Variants in CCDC149 observed in about 807,000 individuals in gnomAD.
The protein encoded by CCDC149 is coiled-coil domain containing 149, also known as coiled-coil domain-containing protein 149.
Under a neutral mutation model 59.9 loss-of-function variants are expected in CCDC149, and 45 were observed. That is an observed-to-expected ratio of 0.75 (90% CI 0.59 to 0.96). CCDC149 has a LOEUF of 0.96. Among genes scored for constraint, CCDC149 ranks in the 40% least tolerant of loss-of-function variants. CCDC149 has a pLI of 0.00. For missense variants in CCDC149, 584 were observed against 664.7 expected (o/e 0.88, Z 1.33); for synonymous variants, 245 against 260.6 (o/e 0.94, Z 0.58).
At chr4:24,971,705 T>C (rs2109367809) in intron 1 of CCDC149, among the ~76,000 whole-genome samples, 1 of 152,254 alleles carries the variant, frequency 6.6e-6, no homozygotes. Flanking sequence ...AAAGTTAACC[T>C]GAAAAACAAA....
At chr4:24,836,356 C>T in intron 7 of CCDC149, 80 bp downstream of exon 7, 2 of 970,306 alleles carry the variant, frequency 2.1e-6, no homozygotes, top group South Asian at 1.4e-5. Context: ...ATATCTTTGG[C>T]ACATAGAAGG....
chr4:24,924,874 A>T (rs1361372784), intron 1 of CCDC149, among the ~76,000 whole-genome samples: 1 of 152,156 alleles, frequency 6.6e-6, no homozygotes, highest in Non-Finnish European at 1.5e-5. Context: ...GATGGAAGAA[A>T]TTGTTGCAGT....
At chr4:24,844,539 G>C (rs1327572712) in intron 4 of CCDC149, among the ~76,000 whole-genome samples, 4 of 152,144 alleles carry the variant, frequency 2.6e-5, no homozygotes, top group African/African-American at 4.8e-5. Flanking sequence ...TTGGGAGGCT[G>C]AGACAGGTGG....
At position 24,837,471 on chromosome 4, in the gene CCDC149, TC is replaced by T; in HGVS notation, c.490-72del. On this transcript the variant is annotated intron_variant, in intron 5 of 12. Transcript: ENST00000635206. This position sits in a 1 kb window ranked among gnomAD's most constrained non-coding sequence, Gnocchi z 4.3. The stretch of plus-strand genomic sequence containing the variant: ...CAGCTTTATGGCCAGAGATGGAGCC[TC>T]CCACTTGGTTGACTGATTTTTAGAG... The T allele has an allele frequency of 1.3e-6, 2 of 1,487,934 alleles. No homozygotes were observed. The highest frequency in any genetic ancestry group is 3.6e-4 in the Middle Eastern group (2 of 5,604). The allele number at this position is 1,487,934 out of a possible 1,614,324, so 92.2% of individuals were successfully genotyped here. A position where few individuals can be genotyped will look rare whatever the true frequency, so the allele number is the denominator to read the frequency against.
chr4:24,865,599 G>A (rs571462804), intron 3 of CCDC149, among the ~76,000 whole-genome samples: 1 of 152,290 alleles, frequency 6.6e-6, no homozygotes, highest in South Asian at 2.1e-4. Context: ...GCAGCCTACT[G>A]CCACCTCGTA....
chr4:24,843,776 TACC>T (rs1717085208), intron 4 of CCDC149, among the ~76,000 whole-genome samples: 1 of 152,150 alleles, frequency 6.6e-6, no homozygotes, highest in African/African-American at 2.4e-5. Context: ...CACTGACAGA[TACC>T]CCCAAGTGGC....
intron 4 of CCDC149, among the ~76,000 whole-genome samples, chr4:24,840,015 A>G (rs1716839018): frequency 1.3e-5 from 2 of 152,202 alleles, no homozygotes; most frequent in East Asian, 1.9e-4. Context: ...TAATTTTCAG[A>G]GTCTCTGAAG....
intron 3 of CCDC149, among the ~76,000 whole-genome samples, chr4:24,870,752 G>C (rs777689617): frequency 6.6e-6 from 1 of 152,084 alleles, no homozygotes; most frequent in African/African-American, 2.4e-5. Context: ...TAGCAGCAAA[G>C]GTGCTGCTTA....
intron 3 of CCDC149, among the ~76,000 whole-genome samples, chr4:24,862,285 G>T (rs552113869): frequency 3.3e-5 from 5 of 152,248 alleles, no homozygotes; most frequent in African/African-American, 1.2e-4. Context: ...CTCCGTGGAG[G>T]GCCATAAAAA....
At chr4:24,934,531 G>A (rs1423212069) in intron 1 of CCDC149, among the ~76,000 whole-genome samples, 1 of 152,156 alleles carries the variant, frequency 6.6e-6, no homozygotes, top group Non-Finnish European at 1.5e-5. Flanking sequence ...GCATTCTCTT[G>A]GTCAAAGCAG....
chr4:24,940,551 A>G (rs550108253), intron 1 of CCDC149, among the ~76,000 whole-genome samples: 9 of 152,174 alleles, frequency 5.9e-5, no homozygotes, highest in Non-Finnish European at 1.3e-4. Context: ...AACAATATTA[A>G]CCTTAAATGT....
chr4:24,969,053 G>A (rs1489456353), intron 1 of CCDC149, among the ~76,000 whole-genome samples: 1 of 152,232 alleles, frequency 6.6e-6, no homozygotes, highest in Admixed American at 6.5e-5. Flanking sequence ...CAGAAACTGG[G>A]ACATGCGAGG....
intron 1 of CCDC149, among the ~76,000 whole-genome samples, chr4:24,882,263 T>C (rs184474207): frequency 6.6e-6 from 1 of 152,304 alleles, no homozygotes; most frequent in Admixed American, 6.5e-5. Context: ...GGGAGCCAAG[T>C]GGAAACAGTA....
At chr4:24,824,985 GGGA>G (rs1263374864) in intron 9 of CCDC149, among the ~76,000 whole-genome samples, 1 of 152,226 alleles carries the variant, frequency 6.6e-6, no homozygotes, top group Non-Finnish European at 1.5e-5. Flanking sequence ...GAACGTGGCA[GGGA>G]GCCCACTGAA....
At chr4:24,823,801 G>C (rs1715557907) in intron 9 of CCDC149, among the ~76,000 whole-genome samples, 1 of 152,126 alleles carries the variant, frequency 6.6e-6, no homozygotes. Context: ...TTCCATCTAG[G>C]TACTTAGAGC....
chr4:24,870,931 G>T (rs1312506419), intron 3 of CCDC149, among the ~76,000 whole-genome samples: 1 of 151,140 alleles, frequency 6.6e-6, no homozygotes, highest in Non-Finnish European at 1.5e-5. Flanking sequence ...TGTAGTCCCA[G>T]CAACTCGGGG....
At chr4:24,884,662 G>C (rs1243478793) in intron 1 of CCDC149, among the ~76,000 whole-genome samples, 1 of 152,180 alleles carries the variant, frequency 6.6e-6, no homozygotes, top group African/African-American at 2.4e-5. Context: ...TCTTGGCTTT[G>C]TCACTCACTA....
In CCDC149 at chr4:24,819,854, C is replaced by T; in HGVS notation, c.1192+5G>A. On this transcript the variant is annotated splice_donor_5th_base_variant and intron_variant, in intron 12 of 12. Transcript: ENST00000635206. ...GTAAAGATGGAGAAATCGAGGCGTG[C>T]TTACCATCCTTGGGATCTGCTTTGT... 3 of 1,547,876 alleles carry T rather than the reference C, an allele frequency of 1.9e-6. No individual in the cohort carries two copies. The South Asian group carries it at 3.6e-5, about 18-fold the overall frequency.
intron 1 of CCDC149, among the ~76,000 whole-genome samples, chr4:24,908,287 T>A (rs1362350544): frequency 3.3e-5 from 5 of 152,202 alleles, no homozygotes; most frequent in Admixed American, 3.3e-4. Flanking sequence ...GGGCCAAGAC[T>A]TCCCCCCAGG....
Sources: gnomAD v4.1 joint callset for allele counts (sites outside exome capture counted in the v4.1 genomes callset) on GRCh38, gnomAD v4.1.1 for gene constraint, Gnocchi (gnomAD v3.1) non-coding constraint, MANE v1.5 for transcripts, NCBI Gene and HGNC (gene_info 2026-07-23, HGNC 2026-07-21) for gene names.